The following PPP3CC variants were observed in gnomAD, a reference collection of about 807,000 sequenced individuals.
PPP3CC encodes the protein serine/threonine-protein phosphatase 2B catalytic subunit gamma isoform.
In PPP3CC, 35 loss-of-function variants were observed where a neutral mutation model predicts 60.3. The ratio of observed to expected loss-of-function variants is 0.58; its 90% CI spans 0.44 to 0.77. PPP3CC has a LOEUF of 0.77. PPP3CC is among the 30% of genes least tolerant of loss of function. PPP3CC has a pLI of 0.00. For synonymous variants in PPP3CC, 206 were observed against 224.3 expected (o/e 0.92, Z 0.73); for missense variants, 570 against 628.9 (o/e 0.91, Z 1.00).
intron 3 of PPP3CC, among the ~76,000 whole-genome samples, chr8:22,484,342 T>C (rs933048369): frequency 6.6e-6 from 1 of 151,250 alleles, no homozygotes; most frequent in Admixed American, 6.6e-5. Context: ...CAACATAGTA[T>C]ATATATATAA....
rs905898759 is a variant in PPP3CC, at chr8:22,528,522, A to G, written c.1086A>G (p.Val362=). The stretch of plus-strand genomic sequence containing the variant: ...CTTACTTAGTCACAGAGATGCTGGT[A>G]AATGTGCTCAACATATGCTCTGATG... ...FVGEKVTEML[V]NVLNICSDDE... is the part of the protein sequence containing the mutation. The change falls in exon 10 of 14, where the codon GTA becomes GTG. Residue 362 remains valine (V), a synonymous_variant. Coordinates refer to ENST00000240139, the MANE Select transcript of PPP3CC (RefSeq NM_005605.5). 1.3e-6 allele frequency: 2 copies of G among 1,551,674 alleles called. No individual in the cohort carries two copies. Among genetic ancestry groups the G allele is most frequent in the Non-Finnish European group, 1.7e-6 (2 of 1,143,630 alleles).
intron 4 of PPP3CC, among the ~76,000 whole-genome samples, chr8:22,501,466 A>G (rs1838759911): frequency 6.6e-6 from 1 of 152,198 alleles, no homozygotes; most frequent in African/African-American, 2.4e-5. Flanking sequence ...TCTGGGGCTT[A>G]GGGTCTTTAT....
intron 1 of PPP3CC, among the ~76,000 whole-genome samples, chr8:22,464,643 G>C (rs1837464898): frequency 6.6e-6 from 1 of 152,054 alleles, no homozygotes; most frequent in African/African-American, 2.4e-5. Flanking sequence ...CAGCCTCCCA[G>C]AGTGATGAGA....
intron 1 of PPP3CC, among the ~76,000 whole-genome samples, chr8:22,471,607 A>G (rs1049112264): frequency 6.6e-6 from 1 of 152,168 alleles, no homozygotes; most frequent in Non-Finnish European, 1.5e-5. Flanking sequence ...ATCTGAACAT[A>G]TCTAAACATA....
intron 10 of PPP3CC, among the ~76,000 whole-genome samples, chr8:22,529,574 C>T (rs2469752): frequency 0.43 from 65,892 of 151,914 alleles, 14,502 homozygotes; most frequent in East Asian, 0.54. Flanking sequence ...ACCTTCACCT[C>T]CCGAGTTCAA....
At chr8:22,506,316 G>A (rs1053251664) in intron 4 of PPP3CC, among the ~76,000 whole-genome samples, 4 of 152,016 alleles carry the variant, frequency 2.6e-5, no homozygotes, top group Admixed American at 6.6e-5. Context: ...CTTCTTGTAC[G>A]TGTGGTTTTT....
chr8:22,511,960 G>A (rs921280310), intron 5 of PPP3CC, among the ~76,000 whole-genome samples: 4 of 142,380 alleles, frequency 2.8e-5, no homozygotes, highest in African/African-American at 1.0e-4. Flanking sequence ...AAATGCATTG[G>A]CTTTGACATT....
intron 4 of PPP3CC, among the ~76,000 whole-genome samples, chr8:22,510,000 A>G (rs913175997): frequency 2.0e-5 from 3 of 150,770 alleles, no homozygotes; most frequent in South Asian, 2.2e-4. Flanking sequence ...CCTGGCCAAC[A>G]TGGTGAAACC....
intron 4 of PPP3CC, among the ~76,000 whole-genome samples, chr8:22,507,324 A>T (rs954494126): frequency 2.6e-5 from 4 of 152,158 alleles, no homozygotes; most frequent in Non-Finnish European, 4.4e-5. Context: ...GCTGTAATGC[A>T]TTTTCCCTTC....
rs181048974 is a variant in PPP3CC, at chr8:22,530,778, G to T, written c.1142-1447G>T. ...ACCTGAGAGGCGGAGGTTGCAGTGA[G>T]CCAAGATCGCACTACTGCACTCCAG... On this transcript the variant is annotated intron_variant, in intron 10 of 13. Transcript: ENST00000240139. Among the ~76,000 whole-genome samples, 477 of 133,350 alleles carry T rather than the reference G, an allele frequency of 3.6e-3. 3 individuals carry two copies. The highest frequency in any genetic ancestry group is 0.012 in the African/African-American group (450 of 36,428). The allele number at this position is 133,350 out of a possible 152,430, so 87.5% of individuals were successfully genotyped here.
chr8:22,448,158 A>G (rs1408896806), intron 1 of PPP3CC, among the ~76,000 whole-genome samples: 2 of 152,214 alleles, frequency 1.3e-5, no homozygotes, highest in Non-Finnish European at 2.9e-5. Context: ...GACTTTCTAC[A>G]AGACAGTTGG....
chr8:22,473,237 G>A (rs186055116), intron 1 of PPP3CC, among the ~76,000 whole-genome samples: 45 of 152,182 alleles, frequency 3.0e-4, no homozygotes, highest in African/African-American at 1.1e-3. Flanking sequence ...TCAATTGAAC[G>A]CCTCCTTTTA....
At chr8:22,473,718 C>G (rs1837801871) in intron 1 of PPP3CC, among the ~76,000 whole-genome samples, 1 of 152,118 alleles carries the variant, frequency 6.6e-6, no homozygotes, top group Non-Finnish European at 1.5e-5. Flanking sequence ...CCTACCTTGG[C>G]CTCCCAAGGT....
intron 3 of PPP3CC, among the ~76,000 whole-genome samples, chr8:22,496,210 C>G (rs1019924754): frequency 2.6e-5 from 4 of 151,580 alleles, no homozygotes; most frequent in African/African-American, 9.7e-5. Flanking sequence ...TACTTTTATA[C>G]TATATCTGTA....
intron 3 of PPP3CC, 82 bp from the exon 4 acceptor site, chr8:22,497,919 G>A: frequency 1.2e-6 from 1 of 859,142 alleles, no homozygotes; most frequent in Admixed American, 2.7e-5. Flanking sequence ...TGCCATTACA[G>A]CAAGTCATTT....
intron 1 of PPP3CC, among the ~76,000 whole-genome samples, chr8:22,463,419 G>C (rs774041836): frequency 1.3e-5 from 2 of 152,130 alleles, no homozygotes; most frequent in South Asian, 4.1e-4. Flanking sequence ...TCTTCCACAA[G>C]GCTCAATTCC....
At chr8:22,484,828 CAGTATGCCAGAAT>C (rs776815361) in intron 3 of PPP3CC, among the ~76,000 whole-genome samples, 51 of 152,016 alleles carry the variant, frequency 3.4e-4, no homozygotes, top group Non-Finnish European at 6.8e-4. Flanking sequence ...CTTAAATGGT[CAGTATGCCAGAAT>C]AGTTGAAGAG....
intron 1 of PPP3CC, 107 bp downstream of exon 1, chr8:22,441,565 A>G: frequency 8.0e-6 from 10 of 1,248,086 alleles, no homozygotes; most frequent in Non-Finnish European, 9.5e-6. Context: ...CCACCCTAGG[A>G]GGGCTCGGAG....
intron 8 of PPP3CC, among the ~76,000 whole-genome samples, chr8:22,526,468 A>C (rs1386441403): frequency 6.6e-6 from 1 of 152,226 alleles, no homozygotes; most frequent in African/African-American, 2.4e-5. Context: ...TTTAAGTGCT[A>C]GAAACTATAT....
Sources: allele counts gnomAD v4.1 joint callset (sites outside exome capture counted in the v4.1 genomes callset), GRCh38; gene constraint gnomAD v4.1.1; transcripts MANE v1.5; gene names NCBI Gene and HGNC (gene_info 2026-07-23, HGNC 2026-07-21).